The following ARHGAP15 variants were observed in gnomAD, a reference collection of about 807,000 sequenced individuals.
ARHGAP15 encodes the protein rho GTPase-activating protein 15.
A neutral mutation model predicts 63.7 loss-of-function variants in ARHGAP15; 51 were observed. The observed-to-expected ratio is 0.80, with a 90% CI of 0.64 to 1.01. The LOEUF (loss-of-function observed/expected upper bound fraction) is 1.01. ARHGAP15 is among the 50% of genes least tolerant of loss of function. ARHGAP15 has a pLI of 0.00. For synonymous variants in ARHGAP15, 191 were observed against 193.8 expected (o/e 0.99, Z 0.12); for missense variants, 560 against 564.6 (o/e 0.99, Z 0.08).
intron 6 of ARHGAP15, among the ~76,000 whole-genome samples, chr2:143,327,009 G>C (rs1423008724): frequency 2.0e-5 from 3 of 152,124 alleles, no homozygotes; most frequent in Non-Finnish European, 4.4e-5. Context: ...TGTATATTTA[G>C]AAAACCCCAT....
chr2:143,156,727 C>A (rs1032147586), intron 2 of ARHGAP15, among the ~76,000 whole-genome samples: 2 of 151,858 alleles, frequency 1.3e-5, no homozygotes, highest in African/African-American at 4.8e-5. Context: ...CATGAGGAAG[C>A]CAGTGATTAT....
intron 12 of ARHGAP15, among the ~76,000 whole-genome samples, chr2:143,686,385 A>C: frequency 7.4e-5 from 1 of 13,592 alleles, no homozygotes; most frequent in African/African-American, 1.3e-4. Context: ...CTCTGTCTCA[A>C]AAAAAAAAAA....
Position 143,432,227 on chromosome 2 carries a change from A to C in ARHGAP15, c.475-3374A>C, listed in dbSNP as rs117731265. 6.5e-4 allele frequency among the ~76,000 whole-genome samples: 99 copies of C among 152,204 alleles called. 1 individual carries two copies. In the East Asian group the frequency reaches 0.017, roughly 26 times the overall value. On this transcript the variant is annotated intron_variant, in intron 6 of 13. Coordinates refer to ENST00000295095, the MANE Select transcript of ARHGAP15 (RefSeq NM_018460.4). ...AGGTTTTGTTTATATTCTAGTAAAC[A>C]AAAGTATGGAAATTTATAATGGTAT...
chr2:143,224,624 G>T (rs1157645551), intron 4 of ARHGAP15, among the ~76,000 whole-genome samples: 1 of 152,074 alleles, frequency 6.6e-6, no homozygotes, highest in African/African-American at 2.4e-5. Context: ...TGTATGAGTT[G>T]CCCACTTCCT....
intron 6 of ARHGAP15, among the ~76,000 whole-genome samples, chr2:143,255,306 C>A (rs945311682): frequency 2.0e-5 from 3 of 151,978 alleles, no homozygotes; most frequent in African/African-American, 7.2e-5. Context: ...CAACAAATAT[C>A]ATGGTCACAT....
intron 12 of ARHGAP15, among the ~76,000 whole-genome samples, chr2:143,662,225 G>C (rs370471625): frequency 1.8e-3 from 268 of 151,986 alleles, no homozygotes; most frequent in Middle Eastern, 3.4e-3. Flanking sequence ...ATCTGAGAAC[G>C]GGCAGACTGC....
chr2:143,155,962 G>A (rs1011515548), intron 2 of ARHGAP15, among the ~76,000 whole-genome samples: 3 of 151,442 alleles, frequency 2.0e-5, no homozygotes, highest in South Asian at 2.1e-4. Flanking sequence ...GCTAGCATGT[G>A]GTGTTTGTAC....
intron 11 of ARHGAP15, among the ~76,000 whole-genome samples, chr2:143,598,542 T>C (rs543170692): frequency 1.3e-5 from 2 of 152,166 alleles, no homozygotes; most frequent in African/African-American, 2.4e-5. Flanking sequence ...AGCCACCCAA[T>C]AGGTATATAG....
At chr2:143,150,521 T>C (rs766604899) in intron 1 of ARHGAP15, among the ~76,000 whole-genome samples, 7 of 152,012 alleles carry the variant, frequency 4.6e-5, no homozygotes, top group Non-Finnish European at 8.8e-5. Flanking sequence ...GGAGAACTAG[T>C]GCAATATCAC....
chr2:143,176,939 C>A (rs567685437), intron 2 of ARHGAP15, among the ~76,000 whole-genome samples: 1 of 152,306 alleles, frequency 6.6e-6, no homozygotes, highest in South Asian at 2.1e-4. Flanking sequence ...TGGCCTCCTT[C>A]AGCTTCCTTA....
At chr2:143,379,040 G>A (rs1041737373) in intron 6 of ARHGAP15, among the ~76,000 whole-genome samples, 1 of 151,184 alleles carries the variant, frequency 6.6e-6, no homozygotes, top group South Asian at 2.1e-4. Context: ...GTTTTAAATG[G>A]GAATTTCAAA....
At chr2:143,411,517 GTGT>G (rs1474041394) in intron 6 of ARHGAP15, among the ~76,000 whole-genome samples, 10 of 152,078 alleles carry the variant, frequency 6.6e-5, no homozygotes, top group African/African-American at 2.4e-4. Context: ...AGTTATTTGT[GTGT>G]TTTGTTATTA....
intron 8 of ARHGAP15, among the ~76,000 whole-genome samples, chr2:143,463,313 G>A (rs1028856634): frequency 1.3e-5 from 2 of 152,024 alleles, no homozygotes; most frequent in Non-Finnish European, 2.9e-5. Context: ...AGGCCAAGGC[G>A]GGTGGATCAC....
At chr2:143,384,209 A>G (rs1687174249) in intron 6 of ARHGAP15, among the ~76,000 whole-genome samples, 3 of 151,148 alleles carry the variant, frequency 2.0e-5, no homozygotes, top group Non-Finnish European at 4.4e-5. Flanking sequence ...CTTTTCGTTG[A>G]TTTTTCATGG....
At position 143,687,508 on chromosome 2, in the gene ARHGAP15, T is replaced by G. The variant is rs574562791; in HGVS notation, c.1139-15911T>G. On this transcript the variant is annotated intron_variant, in intron 12 of 13. Coordinates refer to ENST00000295095, the MANE Select transcript of ARHGAP15 (RefSeq NM_018460.4). The stretch of plus-strand genomic sequence containing the variant: ...ATATAGTCTAAAGGCATTTTATATC[T>G]TCTGTACTCTCTCTGCAAGTGCCCC... Among the ~76,000 whole-genome samples the G allele has an allele frequency of 1.9e-4, 29 of 152,322 alleles. No individual in the cohort carries two copies. In the South Asian group the frequency reaches 3.1e-3, roughly 16 times the overall value.
intron 2 of ARHGAP15, among the ~76,000 whole-genome samples, chr2:143,188,653 ATTT>A (rs1455562543): frequency 1.5e-5 from 2 of 134,626 alleles, no homozygotes; most frequent in Non-Finnish European, 3.2e-5. Flanking sequence ...TATTATTATT[ATTT>A]GTCTCCCAAG....
intron 2 of ARHGAP15, among the ~76,000 whole-genome samples, chr2:143,190,378 G>A (rs182977301): frequency 6.6e-6 from 1 of 152,298 alleles, no homozygotes; most frequent in African/African-American, 2.4e-5. Flanking sequence ...GGACCTGGGA[G>A]CCATTCACTT....
intron 6 of ARHGAP15, among the ~76,000 whole-genome samples, chr2:143,356,223 C>T (rs1477624985): frequency 2.6e-5 from 4 of 152,140 alleles, no homozygotes; most frequent in Non-Finnish European, 5.9e-5. Flanking sequence ...GCCATTCAGT[C>T]GTCAAAACAT....
In ARHGAP15 at chr2:143,512,096, C is replaced by T. The variant is rs186775845; in HGVS notation, c.827-7170C>T. 7.0e-4 allele frequency among the ~76,000 whole-genome samples: 107 copies of T among 152,320 alleles called. 1 individual carries two copies. The highest frequency in any genetic ancestry group is 1.4e-3 in the Non-Finnish European group (94 of 68,016). ...TCCAAGGGACAGGGATAGCTTCAGG[C>T]ATGACTGGATCTAGGAGTTCAAAAT... On this transcript the variant is annotated intron_variant, in intron 9 of 13. Coordinates refer to ENST00000295095, the MANE Select transcript of ARHGAP15 (RefSeq NM_018460.4).
Sources: allele counts gnomAD v4.1 joint callset (sites outside exome capture counted in the v4.1 genomes callset), GRCh38; gene constraint gnomAD v4.1.1; transcripts MANE v1.5; gene names NCBI Gene and HGNC (gene_info 2026-07-23, HGNC 2026-07-21).